EXOC6: variants seen among roughly 807,000 people sequenced by gnomAD.
The protein encoded by EXOC6 is SEC15-like 1.
A neutral mutation model predicts 112.5 loss-of-function variants in EXOC6; 60 were observed. That is an observed-to-expected ratio of 0.53 (90% CI 0.43 to 0.66). The LOEUF (loss-of-function observed/expected upper bound fraction) is 0.66. Among genes scored for constraint, EXOC6 ranks in the 30% least tolerant of loss-of-function variants. The pLI is 0.00. For synonymous variants in EXOC6, 295 were observed against 308.0 expected (o/e 0.96, Z 0.44); for missense variants, 855 against 957.1 (o/e 0.89, Z 1.41).
At chr10:92,882,544 C>CA (rs386372107) in intron 1 of EXOC6, among the ~76,000 whole-genome samples, 74,783 of 112,746 alleles carry the variant, frequency 0.66, 23,733 homozygotes, top group East Asian at 0.8. Flanking sequence ...GGCTCTGTCT[C>CA]AAAAAAAAAA....
In EXOC6 at chr10:92,896,449, G is replaced by A. The variant is rs375128142; in HGVS notation, c.412+1429G>A. 2.8e-4 allele frequency among the ~76,000 whole-genome samples: 42 copies of A among 148,904 alleles called. No homozygotes were observed. In the East Asian group the frequency reaches 3.2e-3, roughly 11 times the overall value. On this transcript the variant is annotated intron_variant, in intron 4 of 21. Coordinates refer to ENST00000260762, the MANE Select transcript of EXOC6 (RefSeq NM_019053.6). Reference sequence around the variant, plus strand: ...TGGCCTCAAATGATCTGCCTGCCTCGGCCTCCCAAAGTGCTAGGATTACAG... The same window carrying A: ...TGGCCTCAAATGATCTGCCTGCCTCAGCCTCCCAAAGTGCTAGGATTACAG...
intron 7 of EXOC6, among the ~76,000 whole-genome samples, chr10:92,918,284 A>T (rs2133901058): frequency 6.6e-6 from 1 of 152,296 alleles, no homozygotes; most frequent in South Asian, 2.1e-4. Flanking sequence ...TTGCCTTGCC[A>T]ATGAGATTTT....
intron 20 of EXOC6, among the ~76,000 whole-genome samples, chr10:93,045,461 A>G (rs763787956): frequency 7.2e-5 from 11 of 152,224 alleles, no homozygotes; most frequent in Non-Finnish European, 1.0e-4. Flanking sequence ...TAACAATTGT[A>G]CTGCGGAAAT....
chr10:92,915,656 C>A, intron 6 of EXOC6, 102 bp from the exon 7 acceptor site: 1 of 669,856 alleles, frequency 1.5e-6, no homozygotes, highest in Non-Finnish European at 2.3e-6. Context: ...TCTATACCTA[C>A]AGACATTAAA....
chr10:92,961,433 A>G (rs1381272124), intron 17 of EXOC6, among the ~76,000 whole-genome samples: 2 of 152,182 alleles, frequency 1.3e-5, no homozygotes, highest in African/African-American at 4.8e-5. Flanking sequence ...GATTTAATAC[A>G]TTTGAATGAC....
intron 19 of EXOC6, among the ~76,000 whole-genome samples, chr10:93,011,867 C>T (rs1364712404): frequency 6.6e-6 from 1 of 151,962 alleles, no homozygotes; most frequent in African/African-American, 2.4e-5. Flanking sequence ...ATGGTGATAC[C>T]ACTGTATGAA....
chr10:92,958,196 A>G lies in EXOC6; in HGVS notation c.1773+2482A>G, dbSNP rs552842571. 7.9e-5 allele frequency among the ~76,000 whole-genome samples: 12 copies of G among 152,348 alleles called. No individual in the cohort carries two copies. In the South Asian group the frequency reaches 2.5e-3, roughly 32 times the overall value. Reference sequence around the variant, plus strand: ...TCAAGCAGTACCTCAGCTTTTTGAAAGTAACTCAGACCCAATTAGAGAACT... The same window carrying G: ...TCAAGCAGTACCTCAGCTTTTTGAAGGTAACTCAGACCCAATTAGAGAACT... On this transcript the variant is annotated intron_variant, in intron 17 of 21. Coordinates refer to ENST00000260762, the MANE Select transcript of EXOC6 (RefSeq NM_019053.6).
At chr10:93,022,749 A>G (rs1844842043) in intron 20 of EXOC6, among the ~76,000 whole-genome samples, 1 of 152,130 alleles carries the variant, frequency 6.6e-6, no homozygotes, top group Non-Finnish European at 1.5e-5. Flanking sequence ...TAAAAATAAA[A>G]CTGGTCTTGA....
rs540017516 is a variant in EXOC6, at chr10:92,977,186, C to T, written c.1953+2954C>T. Among the ~76,000 whole-genome samples the T allele has an allele frequency of 2.6e-3, 398 of 152,150 alleles. 1 individual carries two copies. Among genetic ancestry groups the T allele is most frequent in the Non-Finnish European group, 4.8e-3 (326 of 68,016 alleles). ...AAATAACTCCCACAAGCTTAGTGTTCCAATAATGGAATGCTAGGCATAAGT... is the reference window on the plus strand; with the variant it reads ...AAATAACTCCCACAAGCTTAGTGTTTCAATAATGGAATGCTAGGCATAAGT... On this transcript the variant is annotated intron_variant, in intron 18 of 21. Coordinates refer to ENST00000260762, the MANE Select transcript of EXOC6 (RefSeq NM_019053.6).
chr10:92,901,082 A>C (rs1396084532), intron 5 of EXOC6: 1 of 152,202 alleles, frequency 6.6e-6, no homozygotes, highest in Non-Finnish European at 1.5e-5. Context: ...GGTTTTGGCA[A>C]GAGTATAGCA....
chr10:92,955,388 G>A (rs12414654), intron 16 of EXOC6, among the ~76,000 whole-genome samples, 192 bp from the exon 17 acceptor site: 15,932 of 147,424 alleles, frequency 0.11, 893 homozygotes, highest in Admixed American at 0.18. Context: ...GTGTGTGTGT[G>A]TATATATATA....
chr10:92,940,705 T>C, intron 12 of EXOC6, 22 bp from the exon 13 acceptor site: 2 of 1,046,420 alleles, frequency 1.9e-6, no homozygotes, highest in Non-Finnish European at 2.6e-6. Context: ...TTTATCTGCT[T>C]TTTTTTTTTT....
chr10:92,914,192 A>G (rs560520262), intron 6 of EXOC6, among the ~76,000 whole-genome samples: 2 of 152,238 alleles, frequency 1.3e-5, no homozygotes, highest in South Asian at 2.1e-4. Context: ...CGCAAACTCT[A>G]TTGTGAACTG....
intron 20 of EXOC6, among the ~76,000 whole-genome samples, chr10:93,050,362 G>A (rs1256987656): frequency 1.3e-5 from 2 of 151,564 alleles, no homozygotes; most frequent in East Asian, 3.9e-4. Context: ...ACCAGCCTGG[G>A]CAACATGGTG....
chr10:92,993,012 G>T (rs1843336845), intron 18 of EXOC6, among the ~76,000 whole-genome samples: 1 of 137,840 alleles, frequency 7.3e-6, no homozygotes, highest in Non-Finnish European at 1.6e-5. Context: ...TGTAGCAAAT[G>T]ATGATAGTGA....
intron 1 of EXOC6, 27 bp downstream of exon 1, chr10:92,848,661 CG>C (rs1564768656): frequency 7.5e-7 from 1 of 1,325,140 alleles, no homozygotes; most frequent in Non-Finnish European, 9.9e-7. Flanking sequence ...ACCGGGACTT[CG>C]GCCCCCCGCC....
intron 8 of EXOC6, among the ~76,000 whole-genome samples, chr10:92,923,916 A>G (rs2133920085): frequency 6.6e-6 from 1 of 152,314 alleles, no homozygotes; most frequent in South Asian, 2.1e-4. Flanking sequence ...AAAAGCTTCC[A>G]GGGTGCCAAA....
intron 8 of EXOC6, among the ~76,000 whole-genome samples, chr10:92,923,542 G>C (rs1458160784): frequency 6.6e-6 from 1 of 152,128 alleles, no homozygotes; most frequent in East Asian, 1.9e-4. Context: ...TTGCCTCTAT[G>C]ATGGCTGCTG....
intron 20 of EXOC6, among the ~76,000 whole-genome samples, chr10:93,045,669 A>C (rs1845974397): frequency 6.6e-6 from 1 of 152,246 alleles, no homozygotes; most frequent in African/African-American, 2.4e-5. Context: ...GAGAACTGAA[A>C]GTCTATTGAA....
Sources: allele counts gnomAD v4.1 joint callset (sites outside exome capture counted in the v4.1 genomes callset), GRCh38; gene constraint gnomAD v4.1.1; transcripts MANE v1.5; gene names NCBI Gene and HGNC (gene_info 2026-07-23, HGNC 2026-07-21).